POU6F2: variants seen among roughly 807,000 people sequenced by gnomAD.
The protein encoded by POU6F2 is POU class 6 homeobox 2.
POU6F2 carries 31 observed loss-of-function variants against 71.3 expected under a neutral mutation model. The ratio of observed to expected loss-of-function variants is 0.43; its 90% CI spans 0.33 to 0.59. POU6F2 has a LOEUF of 0.59. Among genes scored for constraint, POU6F2 ranks in the 20% least tolerant of loss-of-function variants. POU6F2 has a pLI of 0.04. For synonymous variants in POU6F2, 347 were observed against 355.7 expected, an observed-to-expected ratio of 0.98 and a Z score of 0.27; for missense variants, 783 against 856.8, an observed-to-expected ratio of 0.91 and a Z score of 1.07.
chr7:39,438,931 G>T (rs1007788791), intron 7 of POU6F2, among the ~76,000 whole-genome samples: 1 of 152,140 alleles, frequency 6.6e-6, no homozygotes, highest in African/African-American at 2.4e-5. Flanking sequence ...CTGTCTCATT[G>T]ATCTGTCTAA....
intron 5 of POU6F2, among the ~76,000 whole-genome samples, chr7:39,378,633 T>A (rs182816883): frequency 1.3e-5 from 2 of 152,334 alleles, no homozygotes; most frequent in African/African-American, 4.8e-5. Flanking sequence ...TGAGCCCATT[T>A]ACAGATCTTC....
At chr7:39,029,324 A>G (rs993067245) in intron 1 of POU6F2, among the ~76,000 whole-genome samples, 5 of 151,864 alleles carry the variant, frequency 3.3e-5, no homozygotes, top group African/African-American at 1.2e-4. Context: ...AACATTTTTT[A>G]TTTTTCTTTC....
At chr7:39,186,803 C>A (rs1793549133) in intron 2 of POU6F2, among the ~76,000 whole-genome samples, 1 of 152,134 alleles carries the variant, frequency 6.6e-6, no homozygotes, top group Non-Finnish European at 1.5e-5. Context: ...TGCTCCTTCC[C>A]CAGCTCTGTT....
chr7:39,070,010 C>T (rs546768645), intron 1 of POU6F2, among the ~76,000 whole-genome samples: 35 of 152,098 alleles, frequency 2.3e-4, no homozygotes, highest in Non-Finnish European at 4.1e-4. Context: ...TCAGGAAGAA[C>T]AGACTTCAGT....
intron 1 of POU6F2, among the ~76,000 whole-genome samples, chr7:39,082,165 G>A (rs1791133714): frequency 6.6e-6 from 1 of 152,158 alleles, no homozygotes; most frequent in South Asian, 2.1e-4. Context: ...CTCTTTGTAG[G>A]ACACGGTGAA....
intron 1 of POU6F2, among the ~76,000 whole-genome samples, chr7:38,990,362 TG>T (rs1788573425): frequency 6.6e-6 from 1 of 152,190 alleles, no homozygotes; most frequent in Non-Finnish European, 1.5e-5. Context: ...ATTGTGGCCC[TG>T]GAGATGGAGT....
intron 4 of POU6F2, among the ~76,000 whole-genome samples, chr7:39,233,913 C>T (rs1196153118): frequency 6.6e-6 from 1 of 152,152 alleles, no homozygotes; most frequent in Non-Finnish European, 1.5e-5. Context: ...GATATTTCCT[C>T]TGAGGCTTTT....
At chr7:39,046,415 A>C (rs1029187720) in intron 1 of POU6F2, among the ~76,000 whole-genome samples, 1 of 151,780 alleles carries the variant, frequency 6.6e-6, no homozygotes, top group South Asian at 2.1e-4. Context: ...TTATTTTCTT[A>C]ATAGTTTAAT....
intron 2 of POU6F2, among the ~76,000 whole-genome samples, chr7:39,186,566 C>A (rs538564647): frequency 9.9e-5 from 15 of 152,274 alleles, no homozygotes; most frequent in African/African-American, 2.9e-4. Flanking sequence ...CAGCACCAAC[C>A]GAGCCATTTT....
chr7:39,123,366 CA>C (rs997112608), intron 2 of POU6F2, among the ~76,000 whole-genome samples: 4 of 152,160 alleles, frequency 2.6e-5, no homozygotes, highest in African/African-American at 9.7e-5. Context: ...ATCCAAAACA[CA>C]GACAGGAGTT....
At chr7:39,067,543 A>G (rs1790783957) in intron 1 of POU6F2, among the ~76,000 whole-genome samples, 1 of 152,054 alleles carries the variant, frequency 6.6e-6, no homozygotes, top group South Asian at 2.1e-4. Context: ...ATTACAGCTA[A>G]ATTACATTTT....
At chr7:39,257,946 C>T (rs1031707286) in intron 4 of POU6F2, among the ~76,000 whole-genome samples, 7 of 152,246 alleles carry the variant, frequency 4.6e-5, no homozygotes, top group African/African-American at 1.2e-4. Flanking sequence ...ACATAAAATT[C>T]TTAAAAGAAA....
At chr7:39,187,141 T>C (rs765482221) in intron 2 of POU6F2, among the ~76,000 whole-genome samples, 6 of 152,248 alleles carry the variant, frequency 3.9e-5, no homozygotes, top group Non-Finnish European at 8.8e-5. Flanking sequence ...AGGTAGCATT[T>C]TTATTTCAAT....
intron 1 of POU6F2, among the ~76,000 whole-genome samples, chr7:39,073,226 C>T (rs1461031397): frequency 2.0e-5 from 3 of 152,086 alleles, no homozygotes; most frequent in Admixed American, 6.5e-5. Context: ...AAAGGCTGGC[C>T]TGGTTTTTTA....
At chr7:39,355,854 T>A (rs948266647) in intron 5 of POU6F2, among the ~76,000 whole-genome samples, 7 of 152,016 alleles carry the variant, frequency 4.6e-5, no homozygotes, top group African/African-American at 1.7e-4. Context: ...TAGATAATTC[T>A]AAAGAGAAAG....
At chr7:39,333,905 TCTTTAGAATG>T (rs1325058485) in intron 4 of POU6F2, among the ~76,000 whole-genome samples, 1 of 152,066 alleles carries the variant, frequency 6.6e-6, no homozygotes, top group East Asian at 1.9e-4. Flanking sequence ...CTGAGGTAGG[TCTTTAGAATG>T]CAGATTTTGC....
chr7:39,463,548 G>C (rs931267322), intron 9 of POU6F2, among the ~76,000 whole-genome samples: 2 of 152,120 alleles, frequency 1.3e-5, no homozygotes, highest in Admixed American at 1.3e-4. Flanking sequence ...TGGAAAAAGG[G>C]CATGTTGTTA....
chr7:39,221,036 T>C (rs1429016674), intron 4 of POU6F2, among the ~76,000 whole-genome samples: 1 of 152,192 alleles, frequency 6.6e-6, no homozygotes. Context: ...CAATATCTTA[T>C]TAAAAATAAT....
intron 5 of POU6F2, among the ~76,000 whole-genome samples, chr7:39,367,208 C>T (rs953324397): frequency 7.2e-5 from 11 of 152,060 alleles, no homozygotes; most frequent in Non-Finnish European, 1.3e-4. Flanking sequence ...TTCCTTTCCT[C>T]GTCTCAGTCA....
Sources: allele counts gnomAD v4.1 joint callset (sites outside exome capture counted in the v4.1 genomes callset), GRCh38; gene constraint gnomAD v4.1.1; transcripts MANE v1.5; gene names NCBI Gene and HGNC (gene_info 2026-07-23, HGNC 2026-07-21).